Variants in PLCL2 observed in about 807,000 individuals in gnomAD.
PLCL2 encodes inactive phospholipase C-like protein 2.
A neutral mutation model predicts 79.6 loss-of-function variants in PLCL2; 4 were observed. That is an observed-to-expected ratio of 0.05 (90% CI 0.02 to 0.11). The LOEUF is 0.11. Ranked by LOEUF, PLCL2 falls within the 10% of genes least tolerant of loss-of-function variation. PLCL2 has a pLI of 1.00. For missense variants in PLCL2, 895 were observed against 1,291.0 expected (o/e 0.69, Z 4.70); for synonymous variants, 484 against 457.7 (o/e 1.06, Z -0.73).
rs146925614 is a variant in PLCL2 at position 17,021,813 on chromosome 3, C to A, written c.3018+6902C>A. On this transcript the variant is annotated intron_variant, in intron 3 of 5. Transcript: ENST00000615277. The stretch of plus-strand genomic sequence containing the variant: ...ATTTCAACATGTTGTCAGATGATGT[C>A]CTCAGACAAGAAATGATAAATGCTA... Among the ~76,000 whole-genome samples, 336 of 152,210 alleles carry A rather than the reference C, an allele frequency of 2.2e-3. No individual in the cohort carries two copies. The Middle Eastern group carries it at 0.041, about 18-fold the overall frequency.
intron 4 of PLCL2, among the ~76,000 whole-genome samples, chr3:17,058,641 A>G (rs547602805): frequency 9.9e-5 from 15 of 152,220 alleles, no homozygotes; most frequent in African/African-American, 3.6e-4. Context: ...TAAATTTGGG[A>G]GCTATCATTG....
chr3:17,004,918 A>G (rs1162788066), intron 1 of PLCL2, among the ~76,000 whole-genome samples: 1 of 152,124 alleles, frequency 6.6e-6, no homozygotes, highest in Non-Finnish European at 1.5e-5. Context: ...CAGATTAAAT[A>G]ACTTGATTCA....
intron 1 of PLCL2, among the ~76,000 whole-genome samples, chr3:16,893,016 C>G (rs1157412411): frequency 6.6e-6 from 1 of 152,196 alleles, no homozygotes; most frequent in East Asian, 1.9e-4. Flanking sequence ...TTAGCAGTTT[C>G]TACCAGTACT....
chr3:17,008,543 G>C (rs558264867), intron 1 of PLCL2, among the ~76,000 whole-genome samples: 1 of 152,114 alleles, frequency 6.6e-6, no homozygotes. Flanking sequence ...CAGGGAGCTG[G>C]TTCCATGGGC....
At chr3:16,900,751 G>A (rs949211929) in intron 1 of PLCL2, among the ~76,000 whole-genome samples, 3 of 152,288 alleles carry the variant, frequency 2.0e-5, no homozygotes, top group African/African-American at 7.2e-5. Context: ...TTTTGCAGGT[G>A]AAAAAGTTGA....
chr3:17,018,092 G>A (rs756228322), intron 3 of PLCL2, among the ~76,000 whole-genome samples: 3 of 152,110 alleles, frequency 2.0e-5, no homozygotes, highest in Non-Finnish European at 4.4e-5. Flanking sequence ...GGCAGATTAA[G>A]GGAGTTTTAG....
At chr3:17,004,217 A>C (rs1156771430) in intron 1 of PLCL2, among the ~76,000 whole-genome samples, 1 of 152,094 alleles carries the variant, frequency 6.6e-6, no homozygotes, top group Non-Finnish European at 1.5e-5. Context: ...TTTTCTTGTT[A>C]GGGTAGAAGT....
intron 1 of PLCL2, among the ~76,000 whole-genome samples, chr3:16,950,272 A>G (rs1229526317): frequency 6.6e-6 from 1 of 152,216 alleles, no homozygotes; most frequent in Non-Finnish European, 1.5e-5. Context: ...CAGGGACAAG[A>G]TATGTCTCTT....
At chr3:17,019,693 G>A (rs2064426805) in intron 3 of PLCL2, among the ~76,000 whole-genome samples, 1 of 152,074 alleles carries the variant, frequency 6.6e-6, no homozygotes. Flanking sequence ...CAGATTTAAT[G>A]CACTTAAAAT....
intron 1 of PLCL2, among the ~76,000 whole-genome samples, chr3:16,947,843 T>C (rs934796243): frequency 2.6e-5 from 4 of 152,220 alleles, no homozygotes; most frequent in African/African-American, 9.6e-5. Flanking sequence ...TCTTAAAATT[T>C]AGCATTTAAG....
intron 5 of PLCL2, among the ~76,000 whole-genome samples, chr3:17,087,689 A>G (rs1175628337): frequency 6.6e-6 from 1 of 152,202 alleles, no homozygotes; most frequent in African/African-American, 2.4e-5. Context: ...CATTGATTGT[A>G]ACAAGTATAC....
chr3:17,018,457 A>G (rs549026516), intron 3 of PLCL2, among the ~76,000 whole-genome samples: 220 of 152,296 alleles, frequency 1.4e-3, no homozygotes, highest in African/African-American at 4.6e-3. Context: ...GTGAGGGCTC[A>G]TCTTCCTCCA....
intron 1 of PLCL2, among the ~76,000 whole-genome samples, chr3:16,952,320 C>A (rs1426224834): frequency 2.6e-5 from 3 of 114,664 alleles, no homozygotes; most frequent in Non-Finnish European, 4.9e-5. Flanking sequence ...ACCTATGTAG[C>A]AAACCTGCAC....
In PLCL2 at chr3:16,885,314, TC is replaced by T. The variant is rs1455233227; in HGVS notation, c.280del (p.Arg94GlyfsTer79). On this transcript the variant is annotated frameshift_variant, in exon 1 of 6. Coordinates refer to ENST00000615277, the MANE Select transcript of PLCL2 (RefSeq NM_001144382.2). LOFTEE classifies it high-confidence loss of function. ...APTPSAVVCT[L>X]PRESKPGGLP... ...ACCCCCAGCGCGGTCGTCTGTACCC[TC>T]CCCCGGGAGAGCAAGCCGGGCGGCC... 6.0e-6 allele frequency: 4 copies of T among 664,964 alleles called. No homozygotes were observed. Among genetic ancestry groups the T allele is most frequent in the Admixed American group, 4.5e-5 (2 of 44,914 alleles). 41.2% of individuals were successfully genotyped at this position (664,964 alleles called of 1,614,324 possible). A position where few individuals can be genotyped will look rare whatever the true frequency, so the allele number is the denominator to read the frequency against.
intron 1 of PLCL2, among the ~76,000 whole-genome samples, chr3:16,898,304 C>CT (rs1038699607): frequency 0.012 from 1,746 of 147,656 alleles, 44 homozygotes; most frequent in African/African-American, 0.04. Context: ...AATCTACAGC[C>CT]TTTTTTTTTT....
At chr3:16,909,745 A>G (rs1392442066) in intron 1 of PLCL2, among the ~76,000 whole-genome samples, 1 of 152,206 alleles carries the variant, frequency 6.6e-6, no homozygotes, top group East Asian at 1.9e-4. Context: ...TATCAAAAAT[A>G]ATTCTGTCTT....
intron 1 of PLCL2, among the ~76,000 whole-genome samples, chr3:16,920,263 A>T (rs1430516847): frequency 1.3e-5 from 2 of 152,104 alleles, no homozygotes; most frequent in African/African-American, 4.8e-5. Flanking sequence ...GCAACAGAGG[A>T]TATTATTTAC....
chr3:16,994,391 A>G (rs2064132699), intron 1 of PLCL2, among the ~76,000 whole-genome samples: 1 of 152,134 alleles, frequency 6.6e-6, no homozygotes, highest in Non-Finnish European at 1.5e-5. Context: ...GGAGCTTACT[A>G]TGGGTATGAC....
chr3:17,014,822 G>C lies in PLCL2; in HGVS notation c.2929G>C (p.Val977Leu). Residue 977 changes from valine (V) to leucine (L), a missense_variant, in exon 3 of 6, where the codon GTC (valine) becomes CTC (leucine). By Grantham distance (32) the Val-to-Leu change is conservative. Around this residue, in one of 6 missense-constraint regions of PLCL2, gnomAD observed 298 missense variants for 459.6 expected, o/e 0.65. Transcript: ENST00000615277. ...GGGGCCCGATAACACACCCCTAGTG[G>C]TCCTAAATCTCAGCGAGCAGTACCC... is the stretch of plus-strand genomic sequence containing the variant. ...FLGPDNTPLV[V>L]LNLSEQYPTM... 6.2e-7 allele frequency: 1 copy of C among 1,614,108 alleles called. No homozygotes were observed. The highest frequency in any genetic ancestry group is 8.5e-7 in the Non-Finnish European group (1 of 1,179,968).
Sources: gnomAD v4.1 joint callset for allele counts (sites outside exome capture counted in the v4.1 genomes callset) on GRCh38, gnomAD v4.1.1 for gene constraint, gnomAD v4.1.1 regional missense constraint, MANE v1.5 for transcripts, NCBI Gene and HGNC (gene_info 2026-07-23, HGNC 2026-07-21) for gene names.